The following NF1 variants were observed in gnomAD, a reference collection of about 807,000 sequenced individuals.
NF1 encodes neurofibromin 1, also known as neurofibromin.
Under a neutral mutation model 325.7 loss-of-function variants are expected in NF1, and 122 were observed. That is an observed-to-expected ratio of 0.37 (90% CI 0.32 to 0.44). The LOEUF (loss-of-function observed/expected upper bound fraction) is 0.44, where lower values mean the gene tolerates loss of function less well. Among genes scored for constraint, NF1 ranks in the 20% least tolerant of loss-of-function variants. NF1 has a pLI of 1.00. For missense variants in NF1, 2,140 were observed against 3,415.4 expected (o/e 0.63, Z 9.31); for synonymous variants, 1,091 against 1,186.0 (o/e 0.92, Z 1.65).
intron 1 of NF1, among the ~76,000 whole-genome samples, chr17:31,141,263 CTG>C (rs1202983434): frequency 6.7e-6 from 1 of 150,246 alleles, no homozygotes; most frequent in Non-Finnish European, 1.5e-5. Context: ...GTGGTTGTAT[CTG>C]TAGTACCCAG....
intron 1 of NF1, chr17:31,136,660 G>A (rs1191971294): frequency 6.6e-6 from 1 of 152,138 alleles, no homozygotes; most frequent in African/African-American, 2.4e-5. Context: ...TGATATTGTA[G>A]TGCTGTGTTC....
At chr17:31,114,236 C>A (rs1280425883) in intron 1 of NF1, among the ~76,000 whole-genome samples, 1 of 152,064 alleles carries the variant, frequency 6.6e-6, no homozygotes, top group East Asian at 1.9e-4. Flanking sequence ...TTCCTTTGTT[C>A]TCATTCAAGA....
intron 1 of NF1, among the ~76,000 whole-genome samples, chr17:31,116,899 G>C (rs1327114431): frequency 6.6e-6 from 1 of 150,906 alleles, no homozygotes; most frequent in Non-Finnish European, 1.5e-5. Context: ...GGATGGTCTC[G>C]ATCTCCTGAC....
chr17:31,320,317 C>T, intron 36 of NF1: 1 of 1,395,752 alleles, frequency 7.2e-7, no homozygotes, highest in Non-Finnish European at 9.5e-7. Context: ...AAATTCTTCT[C>T]AAATGTACTT....
At chr17:31,290,183 G>C (rs373323810) in intron 36 of NF1, among the ~76,000 whole-genome samples, 13 of 151,902 alleles carry the variant, frequency 8.6e-5, no homozygotes, top group African/African-American at 2.9e-4. Context: ...TGGGGATTTT[G>C]TATAGACCAA....
chr17:31,319,649 C>T (rs770573280), intron 36 of NF1, among the ~76,000 whole-genome samples: 17 of 150,594 alleles, frequency 1.1e-4, no homozygotes, highest in Non-Finnish European at 2.1e-4. Context: ...TATTTGTGAA[C>T]GCAATTTTAC....
At chr17:31,247,516 T>C (rs1284260674) in intron 29 of NF1, among the ~76,000 whole-genome samples, 2 of 152,138 alleles carry the variant, frequency 1.3e-5, no homozygotes, top group African/African-American at 4.8e-5. Context: ...ACTGTGGAAA[T>C]AGAAGTTAAA....
intron 13 of NF1, among the ~76,000 whole-genome samples, chr17:31,218,355 C>G (rs1399020165): frequency 6.6e-6 from 1 of 151,964 alleles, no homozygotes; most frequent in African/African-American, 2.4e-5. Flanking sequence ...CATTAATGAA[C>G]AAGTATAGAT....
chr17:31,132,521 C>T (rs1429655401), intron 1 of NF1, among the ~76,000 whole-genome samples: 1 of 152,052 alleles, frequency 6.6e-6, no homozygotes, highest in African/African-American at 2.4e-5. Context: ...GCCTGGGCCA[C>T]AGAGCAAGAC....
At chr17:31,160,186 AGCT>A (rs1290069499) in intron 3 of NF1, among the ~76,000 whole-genome samples, 4 of 152,248 alleles carry the variant, frequency 2.6e-5, no homozygotes, top group Admixed American at 1.3e-4. Context: ...CCCGGGTTCA[AGCT>A]ATTCTCATGC....
In NF1 at chr17:31,343,139, A is replaced by C. The variant is rs756834212; in HGVS notation, c.7189+4A>C. On this transcript the variant is annotated splice_donor_region_variant and intron_variant, in intron 48 of 57. Transcript: ENST00000358273. ...TTGGTTGGACACCTTTTAAAAGGTA[A>C]AAAAGCCTTATTTAGAATATTTTTA... The C allele has an allele frequency of 6.2e-7, 1 of 1,609,428 alleles. No individual in the cohort carries two copies. Among genetic ancestry groups the C allele is most frequent in the East Asian group, 2.2e-5 (1 of 44,842 alleles).
chr17:31,106,808 C>G (rs1912903387), intron 1 of NF1, among the ~76,000 whole-genome samples: 1 of 152,108 alleles, frequency 6.6e-6, no homozygotes, highest in South Asian at 2.1e-4. Flanking sequence ...ATATAATACA[C>G]TTATTGTACA....
At chr17:31,242,385 T>G (rs2067314422) in intron 29 of NF1, among the ~76,000 whole-genome samples, 1 of 142,042 alleles carries the variant, frequency 7.0e-6, no homozygotes, top group South Asian at 2.4e-4. Context: ...GTGCAACCTC[T>G]GCTCACTGCA....
At position 31,223,511 on chromosome 17, in the gene NF1, C is replaced by T. The variant is rs2066963329; in HGVS notation, c.1789C>T (p.Leu597Phe). 3 of 1,613,008 alleles carry T rather than the reference C, an allele frequency of 1.9e-6. No homozygotes were observed. Among genetic ancestry groups the T allele is most frequent in the Non-Finnish European group, 2.5e-6 (3 of 1,179,270 alleles). Residue 597 changes from leucine (L) to phenylalanine (F), a missense_variant, in exon 16 of 58, where the codon CTC (leucine) becomes TTC (phenylalanine). Leu to Phe is a conservative substitution (Grantham distance 22, BLOSUM62 0). Transcript: ENST00000358273. ...SHQMLSSTEI[L>F]KWLREILICR... ...TCAAATGCTTAGTAGCACAGAAATTCTCAAGTGGTTGCGGGAAATATTGAT... is the reference window on the plus strand; with the variant it reads ...TCAAATGCTTAGTAGCACAGAAATTTTCAAGTGGTTGCGGGAAATATTGAT...
intron 36 of NF1, among the ~76,000 whole-genome samples, chr17:31,267,364 G>A (rs1323559823): frequency 6.6e-6 from 1 of 152,202 alleles, no homozygotes; most frequent in Non-Finnish European, 1.5e-5. Context: ...TGTGTAAGGA[G>A]TAAATTTGAG....
At chr17:31,311,720 T>C (rs1018256978) in intron 36 of NF1, among the ~76,000 whole-genome samples, 1 of 152,210 alleles carries the variant, frequency 6.6e-6, no homozygotes, top group African/African-American at 2.4e-5. Context: ...ACCACGATGT[T>C]GGGTAACTTG....
intron 47 of NF1, among the ~76,000 whole-genome samples, chr17:31,341,691 G>A (rs572554829): frequency 6.7e-6 from 1 of 150,206 alleles, no homozygotes; most frequent in South Asian, 2.1e-4. Flanking sequence ...CTAATGGGGT[G>A]TGTGTGTGTG....
chr17:31,151,586 C>T (rs1274543243), intron 1 of NF1, among the ~76,000 whole-genome samples: 5 of 152,114 alleles, frequency 3.3e-5, no homozygotes, highest in African/African-American at 1.2e-4. Context: ...ATGCTCAAGT[C>T]CCTGATATGA....
chr17:31,351,536 C>G (rs1322502124), intron 50 of NF1, among the ~76,000 whole-genome samples: 1 of 152,194 alleles, frequency 6.6e-6, no homozygotes, highest in Non-Finnish European at 1.5e-5. Context: ...CCTGCCTCAT[C>G]CTCCCGAGTA....
Sources: allele counts gnomAD v4.1 joint callset (sites outside exome capture counted in the v4.1 genomes callset), GRCh38; gene constraint gnomAD v4.1.1; transcripts MANE v1.5; gene names NCBI Gene and HGNC (gene_info 2026-07-23, HGNC 2026-07-21).